Variants in VTA1 observed in about 807,000 individuals in gnomAD.
VTA1 encodes vacuolar protein sorting-associated protein VTA1 homolog.
In VTA1, 24 loss-of-function variants were observed where a neutral mutation model predicts 36.9. The ratio of observed to expected loss-of-function variants is 0.65; its 90% CI spans 0.47 to 0.91. The LOEUF is 0.91. Ranked by LOEUF, VTA1 falls within the 40% of genes least tolerant of loss-of-function variation. VTA1 has a pLI of 0.00. For synonymous variants in VTA1, 142 were observed against 130.2 expected (o/e 1.09, Z -0.62); for missense variants, 393 against 377.2 (o/e 1.04, Z -0.35).
At chr6:142,190,563 G>A (rs1347832126) in intron 5 of VTA1, among the ~76,000 whole-genome samples, 1 of 152,036 alleles carries the variant, frequency 6.6e-6, no homozygotes, top group Non-Finnish European at 1.5e-5. Flanking sequence ...TAATAGAAAA[G>A]GGAAACCTTT....
intron 7 of VTA1, among the ~76,000 whole-genome samples, chr6:142,216,850 C>T (rs932543108): frequency 6.6e-6 from 1 of 152,126 alleles, no homozygotes; most frequent in South Asian, 2.1e-4. Flanking sequence ...CCAGTAAATT[C>T]TGGATGGATG....
At chr6:142,208,666 A>G (rs998662607) in intron 7 of VTA1, among the ~76,000 whole-genome samples, 4 of 152,224 alleles carry the variant, frequency 2.6e-5, no homozygotes, top group African/African-American at 9.6e-5. Context: ...GACAAAGAGA[A>G]AGTCCTTAAA....
chr6:142,201,880 G>C (rs566657511), intron 6 of VTA1, among the ~76,000 whole-genome samples: 1 of 152,006 alleles, frequency 6.6e-6, no homozygotes, highest in South Asian at 2.1e-4. Context: ...TCCAAATGCT[G>C]TGTTCTTTCA....
chr6:142,184,547 C>CTG (rs10674888), intron 4 of VTA1, among the ~76,000 whole-genome samples: 65,496 of 151,778 alleles, frequency 0.43, 15,055 homozygotes, highest in Middle Eastern at 0.55. Context: ...TAATAAATAA[C>CTG]TTGACTTACT....
chr6:142,154,632 T>G (rs550737078), intron 1 of VTA1, among the ~76,000 whole-genome samples: 4 of 152,100 alleles, frequency 2.6e-5, no homozygotes, highest in Non-Finnish European at 5.9e-5. Context: ...CTCACCAGCA[T>G]TTTGTGTCAC....
chr6:142,210,314 T>G (rs1775877977), intron 7 of VTA1, among the ~76,000 whole-genome samples: 1 of 152,174 alleles, frequency 6.6e-6, no homozygotes, highest in South Asian at 2.1e-4. Flanking sequence ...CTAAGACCTA[T>G]GAAACTTATA....
chr6:142,204,790 T>A (rs1267971192), intron 7 of VTA1, among the ~76,000 whole-genome samples: 5 of 152,072 alleles, frequency 3.3e-5, no homozygotes. Context: ...AGTGGCGCAA[T>A]CTCAGCTCAC....
chr6:142,196,766 T>C (rs1457259668), intron 5 of VTA1, among the ~76,000 whole-genome samples: 1 of 152,192 alleles, frequency 6.6e-6, no homozygotes, highest in Non-Finnish European at 1.5e-5. Context: ...CCCCTAATTT[T>C]TAATAATTTC....
intron 1 of VTA1, among the ~76,000 whole-genome samples, chr6:142,150,326 ATAAT>A (rs987425087): frequency 6.6e-6 from 1 of 152,216 alleles, no homozygotes; most frequent in African/African-American, 2.4e-5. Flanking sequence ...GAGTAGGCAA[ATAAT>A]TCCAAAGGAA....
chr6:142,152,001 C>A (rs1231433010), intron 1 of VTA1, among the ~76,000 whole-genome samples: 1 of 150,932 alleles, frequency 6.6e-6, no homozygotes, highest in Non-Finnish European at 1.5e-5. Flanking sequence ...CAATTGCACT[C>A]CAACCTGGGG....
intron 1 of VTA1, among the ~76,000 whole-genome samples, chr6:142,154,936 G>C (rs145354603): frequency 6.6e-6 from 1 of 151,886 alleles, no homozygotes; most frequent in East Asian, 1.9e-4. Flanking sequence ...GATTAAAAAC[G>C]CAAGCAGATT....
In VTA1 at chr6:142,218,641, T is replaced by C; in HGVS notation, c.922T>C (p.Ter308ArgextTer15). 7 of 1,608,546 alleles carry C rather than the reference T, an allele frequency of 4.4e-6. No individual in the cohort carries two copies. Among genetic ancestry groups the C allele is most frequent in the Non-Finnish European group, 5.9e-6 (7 of 1,178,234 alleles). Residue 308 changes from the stop codon to arginine (R), a stop_lost, in exon 8 of 8, where the codon TGA becomes CGA. Coordinates refer to ENST00000367630, the MANE Select transcript of VTA1 (RefSeq NM_016485.5). ...ALKLLTTGRE[*>R] ...CAAGTTACTGACGACAGGCAGAGAA[T>C]GAAGCCTTTGTATGACAGACCCATG... is the stretch of plus-strand genomic sequence containing the variant.
chr6:142,202,051 T>G (rs1247867869), intron 6 of VTA1, among the ~76,000 whole-genome samples: 1 of 151,924 alleles, frequency 6.6e-6, no homozygotes, highest in African/African-American at 2.4e-5. Context: ...TTTTTTAAGA[T>G]GTATATGAAT....
At chr6:142,161,443 A>G (rs1774807171) in intron 1 of VTA1, among the ~76,000 whole-genome samples, 1 of 152,132 alleles carries the variant, frequency 6.6e-6, no homozygotes, top group Admixed American at 6.5e-5. Flanking sequence ...TAGAATGTTA[A>G]TGTTCAAATT....
chr6:142,217,932 A>C (rs915824610), intron 7 of VTA1, among the ~76,000 whole-genome samples: 1 of 152,102 alleles, frequency 6.6e-6, no homozygotes. Context: ...GCTAAGAATA[A>C]ATTTTAGAGA....
chr6:142,192,603 CAT>C (rs2114668003), intron 5 of VTA1, among the ~76,000 whole-genome samples: 1 of 152,116 alleles, frequency 6.6e-6, no homozygotes, highest in South Asian at 2.1e-4. Context: ...CTCATTGATT[CAT>C]AGTCTGTCCC....
intron 7 of VTA1, among the ~76,000 whole-genome samples, chr6:142,217,337 C>T (rs1776021182): frequency 6.6e-6 from 1 of 152,006 alleles, no homozygotes; most frequent in Non-Finnish European, 1.5e-5. Flanking sequence ...TAAAATACAG[C>T]TTTTTCATAT....
intron 2 of VTA1, among the ~76,000 whole-genome samples, chr6:142,168,746 T>C (rs1247676368): frequency 6.8e-5 from 9 of 133,080 alleles, no homozygotes; most frequent in Non-Finnish European, 1.1e-4. Context: ...ATATCATTAT[T>C]ATTATTATTA....
intron 6 of VTA1, chr6:142,198,822 A>G (rs925354808): frequency 4.6e-6 from 2 of 436,088 alleles, no homozygotes; most frequent in Non-Finnish European, 8.0e-6. Flanking sequence ...GACAAGTATT[A>G]TGTGCATTGA....
Sources: allele counts gnomAD v4.1 joint callset (sites outside exome capture counted in the v4.1 genomes callset), GRCh38; gene constraint gnomAD v4.1.1; transcripts MANE v1.5; gene names NCBI Gene and HGNC (gene_info 2026-07-23, HGNC 2026-07-21).